The following ENOX1 variants were observed in gnomAD, a reference collection of about 807,000 sequenced individuals.
ENOX1 encodes candidate growth-related and time keeping constitutive hydroquinone (NADH) oxidase.
ENOX1 carries 42 observed loss-of-function variants against 82.5 expected under a neutral mutation model. The ratio of observed to expected loss-of-function variants is 0.51; its 90% CI spans 0.40 to 0.66. ENOX1 has a LOEUF of 0.66. Ranked by LOEUF, ENOX1 falls within the 30% of genes least tolerant of loss-of-function variation. The pLI is 0.00. For missense variants in ENOX1, 608 were observed against 811.6 expected (o/e 0.75, Z 3.05); for synonymous variants, 271 against 282.2 (o/e 0.96, Z 0.40).
chr13:43,307,755 T>C (rs889427364), intron 11 of ENOX1, among the ~76,000 whole-genome samples: 3 of 152,230 alleles, frequency 2.0e-5, no homozygotes, highest in African/African-American at 7.2e-5. Flanking sequence ...CTACAGGCAG[T>C]GTCTCCAAAA....
intron 2 of ENOX1, among the ~76,000 whole-genome samples, chr13:43,658,151 G>C (rs1594292693): frequency 6.6e-6 from 1 of 152,208 alleles, no homozygotes; most frequent in East Asian, 1.9e-4. Flanking sequence ...GTTTATGAAA[G>C]CAAGCTCAGG....
intron 3 of ENOX1, among the ~76,000 whole-genome samples, chr13:43,482,293 A>T (rs1413295639): frequency 6.6e-6 from 1 of 152,226 alleles, no homozygotes; most frequent in Non-Finnish European, 1.5e-5. Flanking sequence ...AGAACAGAAG[A>T]TTATTAAGCC....
At chr13:43,564,494 A>AACTAG (rs1434255012) in intron 2 of ENOX1, among the ~76,000 whole-genome samples, 14 of 152,154 alleles carry the variant, frequency 9.2e-5, no homozygotes, top group Non-Finnish European at 1.5e-5. Flanking sequence ...GGAGGCCTAA[A>AACTAG]ATAAACAAAA....
chr13:43,673,599 G>A (rs1031000371), intron 1 of ENOX1, among the ~76,000 whole-genome samples: 1 of 152,234 alleles, frequency 6.6e-6, no homozygotes, highest in African/African-American at 2.4e-5. Context: ...TTAAAACCCA[G>A]TAATGAAATT....
chr13:43,273,580 C>T (rs531508465), intron 12 of ENOX1, among the ~76,000 whole-genome samples: 3 of 152,236 alleles, frequency 2.0e-5, no homozygotes, highest in African/African-American at 7.2e-5. Flanking sequence ...TCAGATGATG[C>T]CTTTGTAAAA....
chr13:43,599,984 T>C (rs1194763229), intron 2 of ENOX1, among the ~76,000 whole-genome samples: 2 of 151,860 alleles, frequency 1.3e-5, no homozygotes, highest in East Asian at 3.9e-4. Flanking sequence ...ACATGCTGAC[T>C]AAAGAGCACT....
intron 1 of ENOX1, among the ~76,000 whole-genome samples, chr13:43,724,544 T>A (rs1174956230): frequency 6.6e-6 from 1 of 152,212 alleles, no homozygotes; most frequent in African/African-American, 2.4e-5. Context: ...AAGGACCATT[T>A]TACTCATTTG....
intron 2 of ENOX1, among the ~76,000 whole-genome samples, chr13:43,592,410 C>A (rs2081284513): frequency 6.6e-6 from 1 of 152,076 alleles, no homozygotes; most frequent in Admixed American, 6.6e-5. Context: ...ATTCATGCAG[C>A]TTTATTTATA....
At chr13:43,706,150 G>GA (rs1156775276) in intron 1 of ENOX1, among the ~76,000 whole-genome samples, 2 of 151,740 alleles carry the variant, frequency 1.3e-5, no homozygotes, top group African/African-American at 4.8e-5. Flanking sequence ...GCAATGCTTA[G>GA]AAAAAAATCT....
At chr13:43,403,552 C>A (rs1277154793) in intron 5 of ENOX1, among the ~76,000 whole-genome samples, 1 of 152,160 alleles carries the variant, frequency 6.6e-6, no homozygotes, top group Non-Finnish European at 1.5e-5. Flanking sequence ...TCTAGAAATA[C>A]TGTAGACAGG....
At chr13:43,591,676 T>C (rs74922800) in intron 2 of ENOX1, among the ~76,000 whole-genome samples, 1 of 152,156 alleles carries the variant, frequency 6.6e-6, no homozygotes, top group African/African-American at 2.4e-5. Flanking sequence ...GTTAAAAGTA[T>C]TAAAATTCTA....
intron 2 of ENOX1, among the ~76,000 whole-genome samples, chr13:43,486,374 ACT>A (rs1203976525): frequency 2.0e-5 from 3 of 151,212 alleles, no homozygotes; most frequent in African/African-American, 4.9e-5. Context: ...AGTAAGTGAG[ACT>A]CTCTCAAAAA....
intron 1 of ENOX1, among the ~76,000 whole-genome samples, chr13:43,722,513 T>C (rs2153818609): frequency 6.6e-6 from 1 of 152,220 alleles, no homozygotes; most frequent in East Asian, 1.9e-4. Context: ...CCTTTGAGAG[T>C]ACAGGACTAC....
chr13:43,447,026 G>A (rs1055340759), intron 3 of ENOX1, among the ~76,000 whole-genome samples: 1 of 152,240 alleles, frequency 6.6e-6, no homozygotes, highest in Non-Finnish European at 1.5e-5. Context: ...TGAGAACATA[G>A]TGGCCTCTGA....
At chr13:43,282,044 A>G (rs1434570157) in intron 12 of ENOX1, among the ~76,000 whole-genome samples, 1 of 152,162 alleles carries the variant, frequency 6.6e-6, no homozygotes, top group Non-Finnish European at 1.5e-5. Context: ...TAACAGGATA[A>G]GAAAGTTCCT....
chr13:43,524,795 T>C (rs2077919724), intron 2 of ENOX1, among the ~76,000 whole-genome samples: 1 of 152,126 alleles, frequency 6.6e-6, no homozygotes, highest in Non-Finnish European at 1.5e-5. Flanking sequence ...TACAACTCTA[T>C]CTTTACCCTG....
intron 1 of ENOX1, among the ~76,000 whole-genome samples, chr13:43,763,775 C>T (rs191817644): frequency 1.5e-3 from 230 of 152,246 alleles, no homozygotes; most frequent in African/African-American, 4.8e-3. Context: ...AGAAAGTAAG[C>T]AATTAGCAAT....
At chr13:43,527,421 T>C (rs1254995733) in intron 2 of ENOX1, among the ~76,000 whole-genome samples, 1 of 152,086 alleles carries the variant, frequency 6.6e-6, no homozygotes, top group African/African-American at 2.4e-5. Flanking sequence ...CCCCATAACT[T>C]GCCCAACCCA....
At chr13:43,340,590 A>T (rs1246831813) in intron 9 of ENOX1, among the ~76,000 whole-genome samples, 1 of 151,898 alleles carries the variant, frequency 6.6e-6, no homozygotes, top group African/African-American at 2.4e-5. Context: ...TTTCACCCCA[A>T]CTCTCCTAAT....
Sources: gnomAD v4.1 joint callset for allele counts (sites outside exome capture counted in the v4.1 genomes callset) on GRCh38, gnomAD v4.1.1 for gene constraint, MANE v1.5 for transcripts, NCBI Gene and HGNC (gene_info 2026-07-23, HGNC 2026-07-21) for gene names.